Variants in SEC23IP observed in about 807,000 individuals in gnomAD.
SEC23IP encodes the protein SEC23-interacting protein.
In SEC23IP, 70 loss-of-function variants were observed where a neutral mutation model predicts 113.4. The observed-to-expected ratio is 0.62, with a 90% CI of 0.51 to 0.75. SEC23IP has a LOEUF of 0.75. Ranked by LOEUF, SEC23IP falls within the 30% of genes least tolerant of loss-of-function variation. The probability of loss-of-function intolerance (pLI) is 0.00; values close to 1 mark genes in which losing one functional copy is unlikely to be tolerated. For synonymous variants in SEC23IP, 398 were observed against 421.0 expected (o/e 0.95, Z 0.67); for missense variants, 1,160 against 1,204.9 (o/e 0.96, Z 0.55).
intron 12 of SEC23IP, among the ~76,000 whole-genome samples, chr10:119,924,815 T>TCACTCAGGCTGGAGTGCAGTGGCG (rs1564920563): frequency 3.9e-5 from 6 of 152,138 alleles, no homozygotes; most frequent in Non-Finnish European, 5.9e-5. Flanking sequence ...TCTCACTCTG[T>TCACTCAGGCTGGAGTGCAGTGGCG]CACTCAGGCT....
At chr10:119,940,396 T>C (rs781032253) in intron 18 of SEC23IP, among the ~76,000 whole-genome samples, 190 bp from the exon 19 acceptor site, 4 of 151,308 alleles carry the variant, frequency 2.6e-5, no homozygotes, top group Non-Finnish European at 5.9e-5. Context: ...ACCATGTTAG[T>C]CAGGATGGTC....
At chr10:119,893,060 C>T in intron 1 of SEC23IP, 115 bp downstream of exon 1, 2 of 1,196,518 alleles carry the variant, frequency 1.7e-6, no homozygotes, top group South Asian at 1.5e-5. Flanking sequence ...GATAGCTTGC[C>T]AGGATCATTA....
chr10:119,930,865 C>T (rs1302028140), intron 15 of SEC23IP, among the ~76,000 whole-genome samples: 2 of 152,106 alleles, frequency 1.3e-5, no homozygotes, highest in East Asian at 3.8e-4. Context: ...TTGGTGATTC[C>T]AAGTTGAATT....
At chr10:119,916,873 A>AT (rs1309545086) in intron 8 of SEC23IP, among the ~76,000 whole-genome samples, 1 of 152,068 alleles carries the variant, frequency 6.6e-6, no homozygotes, top group Non-Finnish European at 1.5e-5. Context: ...TAAAAAAAAA[A>AT]CTGAATTGTT....
At chr10:119,913,694 G>C (rs1325037531) in intron 6 of SEC23IP, among the ~76,000 whole-genome samples, 1 of 151,630 alleles carries the variant, frequency 6.6e-6, no homozygotes, top group East Asian at 2.0e-4. Context: ...GTTTTGCCAT[G>C]TTGGCCAGGC....
intron 18 of SEC23IP, among the ~76,000 whole-genome samples, chr10:119,934,861 G>T (rs1855721705): frequency 6.6e-6 from 1 of 152,182 alleles, no homozygotes; most frequent in East Asian, 1.9e-4. Context: ...TGTAGGCCAG[G>T]CATGGTGTCT....
Position 119,904,078 on chromosome 10 carries a change from C to T in SEC23IP, c.908-6C>T, listed in dbSNP as rs745956370. On this transcript the variant is annotated splice_polypyrimidine_tract_variant and splice_region_variant and intron_variant, in intron 3 of 18. Transcript: ENST00000369075. ...AGTTAGGAAAAGTGTTAATTTTGTT[C>T]TCTAGTTCAGCCAGATCCGGAGAGC... 1.2e-6 allele frequency: 2 copies of T among 1,613,002 alleles called. No individual in the cohort carries two copies. Among genetic ancestry groups the T allele is most frequent in the South Asian group, 1.1e-5 (1 of 91,036 alleles).
intron 5 of SEC23IP, among the ~76,000 whole-genome samples, chr10:119,911,111 A>G (rs1437390980): frequency 1.4e-5 from 2 of 147,666 alleles, no homozygotes; most frequent in Non-Finnish European, 1.5e-5. Context: ...AACAGAATGG[A>G]TTTCCTAAAA....
chr10:119,892,941 G>C lies in SEC23IP; in HGVS notation c.159G>C (p.Pro53=), dbSNP rs1024080397. The stretch of plus-strand genomic sequence containing the variant: ...CTTCTCCGGCCTCCCTGCTCTTACC[G>C]GGAGGTAATAAGGGGAGGGCGGCCC... The part of the protein sequence containing the change: ...ASASPASLLL[P]GEDSTDVGEE... Residue 53 remains proline (P), a synonymous_variant, in exon 1 of 19, where the codon CCG becomes CCC. Transcript: ENST00000369075. 40 of 1,612,022 alleles carry C rather than the reference G, an allele frequency of 2.5e-5. No individual in the cohort carries two copies. The highest frequency in any genetic ancestry group is 3.2e-5 in the Non-Finnish European group (38 of 1,179,056).
Position 119,909,116 on chromosome 10 carries a change from A to G in SEC23IP, c.1177A>G (p.Met393Val). 1 of 1,609,846 alleles carries G rather than the reference A, an allele frequency of 6.2e-7. No individual in the cohort carries two copies. Among genetic ancestry groups the G allele is most frequent in the Non-Finnish European group, 8.5e-7 (1 of 1,177,168 alleles). Residue 393 changes from methionine to valine, a missense_variant, in exon 5 of 19, where the codon ATG (methionine) becomes GTG (valine). Transcript: ENST00000369075. ...LEFPSGETIV[M>V]HNPKVIVQFQ... ...GTTTCCAAGTGGAGAGACAATTGTT[A>G]TGCACAATCCAAAGGTAATGATGGT... is the stretch of plus-strand genomic sequence containing the variant.
intron 2 of SEC23IP, 33 bp downstream of exon 2, chr10:119,898,992 C>T: frequency 1.4e-6 from 2 of 1,469,122 alleles, no homozygotes; most frequent in Middle Eastern, 1.8e-4. Context: ...CCTACTTATT[C>T]ACTCTGTGTC....
rs201081222 is a variant in SEC23IP at position 119,898,477 on chromosome 10, A to T, written c.214A>T (p.Ile72Phe). The change falls in exon 2 of 19, where the codon ATT (isoleucine) becomes TTT (phenylalanine). Residue 72 changes from isoleucine (I) to phenylalanine (F), a missense_variant. Ile to Phe is a conservative substitution (Grantham distance 21). Transcript: ENST00000369075. ...GGACAGCTTCCTTGGTCAGACTTCT[A>T]TTCACACATCTGCCCCACAGACATT... Reference protein sequence around the residue: ...EEDSFLGQTSIHTSAPQTFSY... With the variant: ...EEDSFLGQTSFHTSAPQTFSY... 8.7e-6 allele frequency: 14 copies of T among 1,614,110 alleles called. No homozygotes were observed. The highest frequency in any genetic ancestry group is 1.2e-5 in the Non-Finnish European group (14 of 1,179,990).
intron 1 of SEC23IP, among the ~76,000 whole-genome samples, chr10:119,897,689 G>GA (rs774483607): frequency 1.3e-5 from 2 of 151,988 alleles, no homozygotes; most frequent in Non-Finnish European, 2.9e-5. Context: ...TTCTTACCAA[G>GA]AAAAAAAGAT....
At chr10:119,931,134 G>A (rs1324671564) in intron 15 of SEC23IP, among the ~76,000 whole-genome samples, 2 of 151,744 alleles carry the variant, frequency 1.3e-5, no homozygotes, top group Admixed American at 6.6e-5. Context: ...GAAGGAGCAG[G>A]GATTTCTTCA....
In SEC23IP at chr10:119,941,602, A is replaced by G. The variant is rs543445020; in HGVS notation, c.*1037A>G. 5 of 152,768 alleles carry G rather than the reference A, an allele frequency of 3.3e-5. No homozygotes were observed. Among genetic ancestry groups the G allele is most frequent in the African/African-American group, 1.2e-4 (5 of 41,584 alleles). 9.5% of individuals were successfully genotyped at this position (152,768 alleles called of 1,614,324 possible). A position where few individuals can be genotyped will look rare whatever the true frequency, so the allele number is the denominator to read the frequency against. On this transcript the variant is annotated 3_prime_UTR_variant, in exon 19 of 19. Coordinates refer to ENST00000369075, the MANE Select transcript of SEC23IP (RefSeq NM_007190.4). ...GATTTTCTTTTGTTACGTAGTGGAA[A>G]CATTTTGCATTGTTTACATAGTTCT...
chr10:119,914,192 A>G (rs1854969050), intron 6 of SEC23IP, among the ~76,000 whole-genome samples: 1 of 152,142 alleles, frequency 6.6e-6, no homozygotes, highest in African/African-American at 2.4e-5. Context: ...AACAGGTAGG[A>G]TGTGGGTAGG....
chr10:119,902,847 C>G lies in SEC23IP; in HGVS notation c.745C>G (p.Pro249Ala). Residue 249 changes from proline (P) to alanine (A), a missense_variant, in exon 3 of 19, where the codon CCT (proline) becomes GCT (alanine). Transcript: ENST00000369075. ...GGCACAGCAGCAGGTACCTGCCAGA[C>G]CTGGGGCTCCCTCTGTTCAAGTGCC... is the stretch of plus-strand genomic sequence containing the variant. ...SPAQQQVPAR[P>A]GAPSVQVPSP... is the part of the protein sequence containing the mutation. The G allele has an allele frequency of 2.5e-6, 4 of 1,614,202 alleles. No homozygotes were observed. The highest frequency in any genetic ancestry group is 1.7e-5 in the Admixed American group (1 of 60,030).
chr10:119,942,406 G>GT lies in SEC23IP; in HGVS notation c.*1842dup, dbSNP rs1855991212. 1 of 152,054 alleles carries GT rather than the reference G, an allele frequency of 6.6e-6. No individual in the cohort carries two copies. The highest frequency in any genetic ancestry group is 6.6e-5 in the Admixed American group (1 of 15,254). 9.4% of individuals were successfully genotyped at this position (152,054 alleles called of 1,614,324 possible). On this transcript the variant is annotated 3_prime_UTR_variant, in exon 19 of 19. Coordinates refer to ENST00000369075, the MANE Select transcript of SEC23IP (RefSeq NM_007190.4). ...TCAGTCTCTTAAAAACCAAAAAACA[G>GT]TAGATCCCCTGAGGGTAGAGTCTTT...
rs754541396 is a variant in SEC23IP, at chr10:119,892,902, C to T, written c.120C>T (p.Val40=). 1 of 1,613,680 alleles carries T rather than the reference C, an allele frequency of 6.2e-7. No homozygotes were observed. The highest frequency in any genetic ancestry group is 1.7e-5 in the Admixed American group (1 of 59,954). The change falls in exon 1 of 19, where the codon GTC becomes GTT. Residue 40 remains valine (V), a synonymous_variant. Coordinates refer to ENST00000369075, the MANE Select transcript of SEC23IP (RefSeq NM_007190.4). Reference sequence around the variant, plus strand: ...GCTTCAATGTGCCCTTCATCCCAGTCACCCAGGCCTCCGCTTCTCCGGCCT... The same window carrying T: ...GCTTCAATGTGCCCTTCATCCCAGTTACCCAGGCCTCCGCTTCTCCGGCCT... ...EFSFNVPFIP[V]TQASASPASL... is the part of the protein sequence containing the mutation.
Sources: allele counts gnomAD v4.1 joint callset (sites outside exome capture counted in the v4.1 genomes callset), GRCh38; gene constraint gnomAD v4.1.1; transcripts MANE v1.5; gene names NCBI Gene and HGNC (gene_info 2026-07-23, HGNC 2026-07-21).